CTCF: variants seen among roughly 807,000 people sequenced by gnomAD.
The protein encoded by CTCF is transcriptional repressor CTCF.
In CTCF, 7 loss-of-function variants were observed where a neutral mutation model predicts 72.3. That is an observed-to-expected ratio of 0.10 (90% CI 0.06 to 0.18). The LOEUF (loss-of-function observed/expected upper bound fraction) is 0.18. CTCF is among the 10% of genes least tolerant of loss of function. The pLI is 1.00. For missense variants in CTCF, 516 were observed against 949.1 expected (o/e 0.54, Z 6.00); for synonymous variants, 374 against 315.8 (o/e 1.18, Z -1.95).
chr16:67,629,746 CTTTTTTTT>C (rs71145978), intron 10 of CTCF, among the ~76,000 whole-genome samples: 3 of 63,358 alleles, frequency 4.7e-5, no homozygotes, highest in African/African-American at 1.9e-4. Context: ...CATTAATGCC[CTTTTTTTT>C]TTTTTTTTTT....
chr16:67,637,542 T>TAAAAA, intron 11 of CTCF, 146 bp from the exon 12 acceptor site: 1 of 636,264 alleles, frequency 1.6e-6, no homozygotes, highest in Non-Finnish European at 2.6e-6. Context: ...AAAAATAAAA[T>TAAAAA]AAAAAATAAA....
chr16:67,600,264 A>T (rs1343947211), intron 2 of CTCF, among the ~76,000 whole-genome samples: 1 of 151,986 alleles, frequency 6.6e-6, no homozygotes, highest in Non-Finnish European at 1.5e-5. Flanking sequence ...TGAGGAACAG[A>T]GTCTCACTCT....
intron 2 of CTCF, among the ~76,000 whole-genome samples, chr16:67,585,767 T>C (rs2051661308): frequency 6.6e-6 from 1 of 152,198 alleles, no homozygotes; most frequent in Non-Finnish European, 1.5e-5. Flanking sequence ...GATATCCTAA[T>C]TCTTTTTAGT....
intron 2 of CTCF, among the ~76,000 whole-genome samples, chr16:67,591,074 C>G (rs966863319): frequency 6.6e-6 from 1 of 151,488 alleles, no homozygotes. Context: ...GGGCAGATCA[C>G]TTGAGGTCAG....
At chr16:67,602,009 A>G (rs1017475896) in intron 2 of CTCF, among the ~76,000 whole-genome samples, 7 of 151,692 alleles carry the variant, frequency 4.6e-5, no homozygotes, top group Non-Finnish European at 1.0e-4. Flanking sequence ...GACTATAGGC[A>G]CCTGCCACCA....
intron 1 of CTCF, chr16:67,563,157 C>A (rs1314264702): frequency 6.6e-6 from 1 of 152,246 alleles, no homozygotes; most frequent in Non-Finnish European, 1.5e-5. Flanking sequence ...GTCCCGGCTT[C>A]GGCGCCCGCC....
intron 4 of CTCF, among the ~76,000 whole-genome samples, chr16:67,613,544 G>C (rs1391074542): frequency 2.6e-5 from 4 of 152,114 alleles, no homozygotes; most frequent in Admixed American, 1.3e-4. Context: ...AAATCCAATG[G>C]GGGGTAGATG....
In CTCF at chr16:67,628,429, C is replaced by G; in HGVS notation, c.1578C>G (p.Ser526Arg). ...THTGEKPYAC[S>R]HCDKTFRQKQ... ...CCGGGGAGAAGCCTTACGCCTGCAG[C>G]CACTGCGATAAGACCTTCCGCCAGA... The change falls in exon 9 of 12, where the codon AGC becomes AGG. Residue 526 changes from serine (S) to arginine (R), a missense_variant. This residue lies in a region of CTCF where 81 missense variants were observed against 184.3 expected (regional missense o/e 0.44). Transcript: ENST00000264010. The G allele has an allele frequency of 6.2e-7, 1 of 1,614,212 alleles. No homozygotes were observed. The highest frequency in any genetic ancestry group is 8.5e-7 in the Non-Finnish European group (1 of 1,180,046).
intron 1 of CTCF, among the ~76,000 whole-genome samples, chr16:67,570,311 A>G (rs2051399186): frequency 6.6e-6 from 1 of 151,568 alleles, no homozygotes. Flanking sequence ...TGATCTGCTG[A>G]CCTCGTGATC....
At chr16:67,592,562 C>T (rs562202462) in intron 2 of CTCF, among the ~76,000 whole-genome samples, 7 of 151,430 alleles carry the variant, frequency 4.6e-5, no homozygotes, top group South Asian at 4.2e-4. Flanking sequence ...AAAAATTAGC[C>T]GGCATGGTGG....
At chr16:67,616,917 G>T in intron 5 of CTCF, 39 bp downstream of exon 5, 1 of 1,590,392 alleles carries the variant, frequency 6.3e-7, no homozygotes, top group South Asian at 1.1e-5. Flanking sequence ...CTCTTAGGCA[G>T]ACCATGATTT....
chr16:67,626,427 T>C, intron 7 of CTCF, 128 bp from the exon 8 acceptor site: 1 of 587,992 alleles, frequency 1.7e-6, no homozygotes, highest in South Asian at 4.7e-5. Flanking sequence ...CACTCCAGCC[T>C]GGGTGACAGA....
chr16:67,563,962 T>C (rs997495020), intron 1 of CTCF: 1 of 152,198 alleles, frequency 6.6e-6, no homozygotes, highest in African/African-American at 2.4e-5. Context: ...TGTAATTGAA[T>C]CCTGGGTCAC....
chr16:67,607,782 G>T (rs1365565326), intron 2 of CTCF, among the ~76,000 whole-genome samples: 2 of 151,750 alleles, frequency 1.3e-5, no homozygotes, highest in African/African-American at 2.4e-5. Flanking sequence ...CACTTTGGGA[G>T]GCCGAGGCGG....
intron 2 of CTCF, among the ~76,000 whole-genome samples, chr16:67,600,389 C>T (rs2051870974): frequency 6.6e-6 from 1 of 151,986 alleles, no homozygotes. Context: ...CAGGCATGCA[C>T]CACCATGCCT....
At chr16:67,571,402 C>T (rs1236191353) in intron 2 of CTCF, 138 bp downstream of exon 2, 1 of 152,360 alleles carries the variant, frequency 6.6e-6, no homozygotes, top group East Asian at 1.9e-4. Context: ...GCTTCATAAT[C>T]AGAGTCCTGG....
In CTCF at chr16:67,562,639, G is replaced by T; in HGVS notation, c.-212G>T. On this transcript the variant is annotated 5_prime_UTR_variant, in exon 1 of 12. Coordinates refer to ENST00000264010, the MANE Select transcript of CTCF (RefSeq NM_006565.4). ...CAGCGGCGGCGGCGGTGGCCGGTGC[G>T]GACGCGCGGAGCTCGCCGGAGACGC... 1.3e-5 allele frequency: 2 copies of T among 152,912 alleles called. No individual in the cohort carries two copies. The highest frequency in any genetic ancestry group is 3.6e-4 in the South Asian group (2 of 5,576). The allele number at this position is 152,912 out of a possible 1,614,324, so 9.5% of individuals were successfully genotyped here.
chr16:67,580,402 C>T (rs1351494857), intron 2 of CTCF, among the ~76,000 whole-genome samples: 1 of 151,858 alleles, frequency 6.6e-6, no homozygotes, highest in Non-Finnish European at 1.5e-5. Flanking sequence ...TGGGGTCTTA[C>T]TGTGTTGCCC....
intron 2 of CTCF, among the ~76,000 whole-genome samples, chr16:67,576,269 A>C (rs1047844580): frequency 6.6e-6 from 1 of 151,980 alleles, no homozygotes; most frequent in Non-Finnish European, 1.5e-5. Context: ...CCAAACTAAA[A>C]CCTGGCGTAT....
Sources: gnomAD v4.1 joint callset for allele counts (sites outside exome capture counted in the v4.1 genomes callset) on GRCh38, gnomAD v4.1.1 for gene constraint, gnomAD v4.1.1 regional missense constraint, MANE v1.5 for transcripts, NCBI Gene and HGNC (gene_info 2026-07-23, HGNC 2026-07-21) for gene names.